KDM5B: variants seen among roughly 807,000 people sequenced by gnomAD.
KDM5B encodes the protein lysine demethylase 5B, also known as lysine-specific demethylase 5B.
In KDM5B, 144 loss-of-function variants were observed where a neutral mutation model predicts 193.4. That is an observed-to-expected ratio of 0.74 (90% CI 0.65 to 0.86). The LOEUF is 0.86. Among genes scored for constraint, KDM5B ranks in the 40% least tolerant of loss-of-function variants. The pLI, the probability that KDM5B is intolerant of heterozygous loss-of-function variation, is 0.00. For missense variants in KDM5B, 1,833 were observed against 1,886.9 expected, an observed-to-expected ratio of 0.97 and a Z score of 0.53; for synonymous variants, 668 against 682.6, an observed-to-expected ratio of 0.98 and a Z score of 0.33.
intron 21 of KDM5B, 96 bp downstream of exon 21, chr1:202,736,117 G>T: frequency 1.1e-6 from 1 of 891,784 alleles, no homozygotes; most frequent in Non-Finnish European, 1.6e-6. Flanking sequence ...ACAGAATATA[G>T]ATTAATCTGT....
chr1:202,756,220 G>A, intron 10 of KDM5B, 138 bp downstream of exon 10: 1 of 723,474 alleles, frequency 1.4e-6, no homozygotes, highest in Admixed American at 2.6e-5. Context: ...GAATTCTTCT[G>A]TAGGCTCTTT....
chr1:202,797,022 T>G (rs1393021981), intron 1 of KDM5B: 2 of 152,218 alleles, frequency 1.3e-5, no homozygotes, highest in Admixed American at 1.3e-4. Flanking sequence ...TCCCCTCCTA[T>G]GCTATCACGA....
intron 14 of KDM5B, among the ~76,000 whole-genome samples, chr1:202,747,564 A>AT (rs67708616): frequency 0.036 from 4,624 of 129,710 alleles, 219 homozygotes; most frequent in East Asian, 0.22. Flanking sequence ...AAAGGCACAT[A>AT]TTTTTAAAAA....
chr1:202,749,460 T>C (rs7519619), intron 13 of KDM5B, among the ~76,000 whole-genome samples: 117,893 of 152,040 alleles, frequency 0.78, 46,893 homozygotes, highest in Admixed American at 0.86. Context: ...TGGAGGCTGA[T>C]GTGGAAGGAT....
At chr1:202,763,054 A>G (rs1228784958) in intron 6 of KDM5B, among the ~76,000 whole-genome samples, 3 of 152,216 alleles carry the variant, frequency 2.0e-5, no homozygotes, top group African/African-American at 4.8e-5. Context: ...TCAGGTTTGT[A>G]TGCTTTCAAA....
At chr1:202,764,679 G>A (rs946976935) in intron 5 of KDM5B, among the ~76,000 whole-genome samples, 1 of 151,962 alleles carries the variant, frequency 6.6e-6, no homozygotes, top group Non-Finnish European at 1.5e-5. Flanking sequence ...AAAAGTCAAA[G>A]GATCAAGAAC....
intron 4 of KDM5B, among the ~76,000 whole-genome samples, chr1:202,772,464 T>C (rs115150017): frequency 0.014 from 2,198 of 152,240 alleles, 32 homozygotes; most frequent in Non-Finnish European, 0.024. Context: ...AGAGAACAGG[T>C]AGGCAAGTTA....
intron 1 of KDM5B, among the ~76,000 whole-genome samples, chr1:202,807,710 G>A (rs1658363275): frequency 8.4e-6 from 1 of 119,084 alleles, no homozygotes; most frequent in South Asian, 3.0e-4. Context: ...CCAGCCTGCC[G>A]AGCCTCGCCG....
At position 202,733,787 on chromosome 1, in the gene KDM5B, C is replaced by A. The variant is rs760239475; in HGVS notation, c.3523G>T (p.Asp1175Tyr). Residue 1175 changes from aspartate (D) to tyrosine (Y), a missense_variant, in exon 23 of 27, where the codon GAT (aspartate) becomes TAT (tyrosine). Physicochemically the swap from Asp to Tyr is radical, Grantham distance 160. Coordinates refer to ENST00000367265, the MANE Select transcript of KDM5B (RefSeq NM_006618.5). ...TTCTGACATAGGCAGATTTTTATATCCACATCTTGGAGAGGCGACAGCAAT... is the reference window on the plus strand; with the variant it reads ...TTCTGACATAGGCAGATTTTTATATACACATCTTGGAGAGGCGACAGCAAT... ...GKLLSPLQDV[D>Y]IKICLCQKAP... The A allele has an allele frequency of 1.9e-6, 3 of 1,614,136 alleles. No individual in the cohort carries two copies. The highest frequency in any genetic ancestry group is 4.5e-5 in the East Asian group (2 of 44,876).
chr1:202,800,670 T>C (rs913007717), intron 1 of KDM5B, among the ~76,000 whole-genome samples: 6 of 152,178 alleles, frequency 3.9e-5, no homozygotes, highest in Non-Finnish European at 8.8e-5. Context: ...TGGTTACTAC[T>C]GATGTCAGCT....
At chr1:202,762,634 G>C (rs1458815218) in intron 7 of KDM5B, 65 bp downstream of exon 7, 1 of 912,284 alleles carries the variant, frequency 1.1e-6, no homozygotes, top group African/African-American at 1.6e-5. Context: ...GGGTAAAGGG[G>C]ATTAAAGAAA....
At chr1:202,768,034 T>TAA (rs939854905) in intron 4 of KDM5B, among the ~76,000 whole-genome samples, 4 of 152,146 alleles carry the variant, frequency 2.6e-5, no homozygotes, top group African/African-American at 4.8e-5. Flanking sequence ...AGAAAACAGG[T>TAA]CATTTGACTA....
rs778451566 is a variant in KDM5B, at chr1:202,729,912, C to T, written c.4292G>A (p.Arg1431Gln). The T allele has an allele frequency of 7.4e-6, 12 of 1,613,944 alleles. No individual in the cohort carries two copies. The highest frequency in any genetic ancestry group is 2.7e-5 in the African/African-American group (2 of 74,884). The change falls in exon 26 of 27, where the codon CGG becomes CAG. Residue 1431 changes from arginine (R) to glutamine (Q), a missense_variant. Coordinates refer to ENST00000367265, the MANE Select transcript of KDM5B (RefSeq NM_006618.5). ...SERWERVKKM[R>Q]TPKKKKIKLS... The stretch of plus-strand genomic sequence containing the variant: ...TTTGATTTTCTTCTTTTTGGGGGTC[C>T]GCATTTTCTTAACTCGTTCCCACCG...
intron 1 of KDM5B, among the ~76,000 whole-genome samples, chr1:202,803,799 G>A (rs2102352334): frequency 6.6e-6 from 1 of 151,242 alleles, no homozygotes; most frequent in East Asian, 2.0e-4. Flanking sequence ...CTCCAGCCTG[G>A]GCAACAACAG....
intron 1 of KDM5B, among the ~76,000 whole-genome samples, chr1:202,778,091 C>G (rs1657037558): frequency 1.3e-5 from 2 of 151,908 alleles, no homozygotes; most frequent in African/African-American, 4.8e-5. Flanking sequence ...AGGAGAATCG[C>G]TGGAACACAA....
At position 202,760,583 on chromosome 1, in the gene KDM5B, TA is replaced by T; in HGVS notation, c.919-11del. 1 of 1,598,110 alleles carries T rather than the reference TA, an allele frequency of 6.3e-7. No individual in the cohort carries two copies. The highest frequency in any genetic ancestry group is 8.5e-7 in the Non-Finnish European group (1 of 1,172,514). On this transcript the variant is annotated splice_polypyrimidine_tract_variant and intron_variant, in intron 7 of 26. Transcript: ENST00000367265. ...AGACATACAGGTCCACCTGTAGCAA[TA>T]AAAGTGGGTACAGAACAAAGGAACA...
intron 1 of KDM5B, among the ~76,000 whole-genome samples, chr1:202,788,352 G>A (rs1413315781): frequency 1.3e-5 from 2 of 152,128 alleles, no homozygotes; most frequent in African/African-American, 4.8e-5. Flanking sequence ...AAAGCTATCA[G>A]TTTTAAAGAA....
At chr1:202,776,911 A>G in intron 2 of KDM5B, 106 bp downstream of exon 2, 1 of 801,240 alleles carries the variant, frequency 1.2e-6, no homozygotes, top group South Asian at 1.5e-5. Context: ...ACAAATCTAA[A>G]AACAGATTTA....
intron 22 of KDM5B, among the ~76,000 whole-genome samples, chr1:202,734,342 T>C (rs917556760): frequency 8.6e-6 from 1 of 115,642 alleles, no homozygotes; most frequent in Non-Finnish European, 1.9e-5. Flanking sequence ...GTAAAGACCT[T>C]TGGGTATATT....
Sources: allele counts gnomAD v4.1 joint callset (sites outside exome capture counted in the v4.1 genomes callset), GRCh38; gene constraint gnomAD v4.1.1; transcripts MANE v1.5; gene names NCBI Gene and HGNC (gene_info 2026-07-23, HGNC 2026-07-21).